The following SERPINB12 variants were observed in gnomAD, a reference collection of about 807,000 sequenced individuals.
The protein encoded by SERPINB12 is serpin B12.
In SERPINB12, 57 loss-of-function variants were observed where a neutral mutation model predicts 41.1. That is an observed-to-expected ratio of 1.39 (90% confidence interval 1.12 to 1.73). The LOEUF is 1.73. SERPINB12 is among the 40% of genes most tolerant of loss of function. The pLI is 0.00. For synonymous variants in SERPINB12, 180 were observed against 181.3 expected (o/e 0.99, Z 0.06); for missense variants, 536 against 501.9 (o/e 1.07, Z -0.65).
At chr18:63,553,509 C>T (rs890518256) in intron 1 of SERPINB12, among the ~76,000 whole-genome samples, 3 of 152,122 alleles carry the variant, frequency 2.0e-5, no homozygotes, top group African/African-American at 4.8e-5. Flanking sequence ...TTAACTGGAA[C>T]ATTTGAAGAG....
intron 2 of SERPINB12, among the ~76,000 whole-genome samples, chr18:63,557,909 T>A (rs2144335288): frequency 6.6e-6 from 1 of 152,366 alleles, no homozygotes; most frequent in South Asian, 2.1e-4. Flanking sequence ...CAGGTGGGAC[T>A]AATTTTAATA....
chr18:63,550,049 T>C (rs965411647), intron 1 of SERPINB12, among the ~76,000 whole-genome samples: 1 of 152,184 alleles, frequency 6.6e-6, no homozygotes, highest in Non-Finnish European at 1.5e-5. Context: ...GCCAGACATA[T>C]CACAAGCTCA....
the SERPINB12 span, among the ~76,000 whole-genome samples, chr18:63,528,374 T>C: frequency 6.8e-6 from 1 of 148,044 alleles, no homozygotes; most frequent in Admixed American, 6.9e-5. Flanking sequence ...TCCCATTTCA[T>C]TTCTTAATCT....
chr18:63,521,014 A>G, the SERPINB12 span, among the ~76,000 whole-genome samples: 1 of 152,228 alleles, frequency 6.6e-6, no homozygotes. Flanking sequence ...TTTTGAATTA[A>G]TTATCCTTGG....
intron 1 of SERPINB12, among the ~76,000 whole-genome samples, chr18:63,553,005 A>G (rs188295828): frequency 2.6e-5 from 4 of 152,058 alleles, no homozygotes; most frequent in East Asian, 1.9e-4. Context: ...TTCTGTTACT[A>G]TTGTTCTCTC....
intron 5 of SERPINB12, among the ~76,000 whole-genome samples, chr18:63,561,662 G>A (rs539017971): frequency 2.0e-5 from 3 of 152,128 alleles, no homozygotes; most frequent in Non-Finnish European, 4.4e-5. Context: ...ATAGTGGGTT[G>A]GATAAAGAAA....
chr18:63,561,029 A>T, intron 4 of SERPINB12, 56 bp from the exon 5 acceptor site: 1 of 1,142,574 alleles, frequency 8.8e-7, no homozygotes, highest in Non-Finnish European at 1.3e-6. Context: ...ACTCCTAACT[A>T]CGAGCATCAC....
the SERPINB12 span, among the ~76,000 whole-genome samples, chr18:63,537,117 A>G: frequency 6.6e-6 from 1 of 152,220 alleles, no homozygotes; most frequent in African/African-American, 2.4e-5. Context: ...AGAAGATTAA[A>G]TTTATCACAT....
chr18:63,537,499 C>G (rs571339981), upstream of SERPINB12, among the ~76,000 whole-genome samples: 1 of 152,306 alleles, frequency 6.6e-6, no homozygotes, highest in African/African-American at 2.4e-5. Context: ...AGAGTTGGAA[C>G]AGTTTTATGC....
the SERPINB12 span, among the ~76,000 whole-genome samples, chr18:63,529,491 G>T: frequency 1.3e-5 from 2 of 152,306 alleles, no homozygotes; most frequent in Admixed American, 6.5e-5. Flanking sequence ...ATTGGTACAG[G>T]TGACTCCATT....
At chr18:63,539,957 C>T (rs768560014), upstream of SERPINB12, among the ~76,000 whole-genome samples, 17 of 151,864 alleles carry the variant, frequency 1.1e-4, no homozygotes, top group African/African-American at 3.9e-4. Context: ...TAGAGAATTG[C>T]AATTGGGTGC....
chr18:63,536,864 G>A, the SERPINB12 span, among the ~76,000 whole-genome samples: 2 of 152,094 alleles, frequency 1.3e-5, no homozygotes, highest in Non-Finnish European at 2.9e-5. Flanking sequence ...TAGATGGTAA[G>A]AGAAGCAATG....
In SERPINB12 at chr18:63,568,239, G is replaced by A. The variant is rs1911179878; in HGVS notation, c.*1228G>A. On this transcript the variant is annotated 3_prime_UTR_variant, in exon 8 of 8. Coordinates refer to ENST00000382768, the MANE Select transcript of SERPINB12 (RefSeq NM_001307928.2). ...CTACAAAAAATACAGAAATTAGCCG[G>A]GCGTGGTGGTGTGCACCTATAGTCC... 6.6e-6 allele frequency among the ~76,000 whole-genome samples: 1 copy of A among 152,102 alleles called. No individual in the cohort carries two copies. The highest frequency in any genetic ancestry group is 2.4e-5 in the African/African-American group (1 of 41,404).
chr18:63,547,538 T>C (rs1302467210), intron 1 of SERPINB12, among the ~76,000 whole-genome samples: 1 of 152,140 alleles, frequency 6.6e-6, no homozygotes, highest in African/African-American at 2.4e-5. Flanking sequence ...GTTAGTAGCT[T>C]TGTGGGAATT....
At chr18:63,534,543 T>C in the SERPINB12 span, among the ~76,000 whole-genome samples, 2 of 152,154 alleles carry the variant, frequency 1.3e-5, no homozygotes, top group Admixed American at 1.3e-4. Flanking sequence ...CTGATACAGA[T>C]TGTAGACTTG....
the SERPINB12 span, among the ~76,000 whole-genome samples, chr18:63,519,944 TG>T: frequency 6.6e-6 from 1 of 152,190 alleles, no homozygotes; most frequent in Non-Finnish European, 1.5e-5. Context: ...CCCGTGGGGC[TG>T]GCTCATTGTC....
intron 4 of SERPINB12, 80 bp from the exon 5 acceptor site, chr18:63,561,005 C>G (rs1910885728): frequency 2.2e-6 from 2 of 893,276 alleles, no homozygotes; most frequent in East Asian, 2.5e-5. Context: ...TGGGAGACTT[C>G]TCAGGAGAGT....
intron 4 of SERPINB12, among the ~76,000 whole-genome samples, chr18:63,560,029 C>T (rs1910849885): frequency 6.6e-6 from 1 of 152,150 alleles, no homozygotes; most frequent in Non-Finnish European, 1.5e-5. Flanking sequence ...GACTGTCTTC[C>T]CCAGTCAATG....
intron 1 of SERPINB12, among the ~76,000 whole-genome samples, chr18:63,546,010 A>G (rs1010546106): frequency 6.6e-6 from 1 of 152,196 alleles, no homozygotes; most frequent in Admixed American, 6.5e-5. Context: ...CCACTGGTCA[A>G]TATCTTATAA....
Sources: allele counts gnomAD v4.1 joint callset (sites outside exome capture counted in the v4.1 genomes callset), GRCh38; gene constraint gnomAD v4.1.1; transcripts MANE v1.5; gene names NCBI Gene and HGNC (gene_info 2026-07-23, HGNC 2026-07-21).